The following DENND1B variants were observed in gnomAD, a reference collection of about 807,000 sequenced individuals.
DENND1B encodes the protein DENN domain containing 1B, also known as DENN domain-containing protein 1B.
DENND1B carries 59 observed loss-of-function variants against 90.1 expected under a neutral mutation model. That is an observed-to-expected ratio of 0.65 (90% CI 0.53 to 0.81). DENND1B has a LOEUF of 0.81. Ranked by LOEUF, DENND1B falls within the 40% of genes least tolerant of loss-of-function variation. DENND1B has a pLI of 0.00. For missense variants in DENND1B, 862 were observed against 912.6 expected (o/e 0.94, Z 0.71); for synonymous variants, 337 against 324.6 (o/e 1.04, Z -0.41).
chr1:197,653,591 T>C (rs183569623), intron 6 of DENND1B, among the ~76,000 whole-genome samples: 7 of 152,260 alleles, frequency 4.6e-5, no homozygotes, highest in African/African-American at 1.4e-4. Flanking sequence ...TTATTTCTGG[T>C]TTAATTAATG....
chr1:197,585,171 T>C (rs1674591567), intron 14 of DENND1B, among the ~76,000 whole-genome samples: 2 of 152,192 alleles, frequency 1.3e-5, no homozygotes, highest in Non-Finnish European at 2.9e-5. Context: ...ACTAGCATCA[T>C]CCCTAGTTAC....
chr1:197,612,002 A>C (rs755717353), intron 11 of DENND1B, 26 bp from the exon 12 acceptor site: 4 of 1,534,900 alleles, frequency 2.6e-6, no homozygotes, highest in South Asian at 1.1e-5. Context: ...ATATATGCAT[A>C]GATTCATATA....
At position 197,651,158 on chromosome 1, in the gene DENND1B, C is replaced by T. The variant is rs544362950; in HGVS notation, c.447+1077G>A. On this transcript the variant is annotated intron_variant, in intron 7 of 22. Transcript: ENST00000620048. ...TTAGCTTTCCTCTCATTTTCTCTTG[C>T]GACATTATATTTTTTATTCTTTATT... 5.3e-5 allele frequency among the ~76,000 whole-genome samples: 8 copies of T among 151,924 alleles called. No homozygotes were observed. In the East Asian group the frequency reaches 5.8e-4, roughly 11 times the overall value.
chr1:197,778,685 T>TA (rs1387776132), upstream of DENND1B, among the ~76,000 whole-genome samples: 61 of 143,522 alleles, frequency 4.3e-4, no homozygotes, highest in East Asian at 1.0e-3. Context: ...TAAAAAAAAT[T>TA]AAAAAAAAAA....
At chr1:197,521,009 C>A (rs998050225) in intron 20 of DENND1B, among the ~76,000 whole-genome samples, 1 of 151,664 alleles carries the variant, frequency 6.6e-6, no homozygotes, top group African/African-American at 2.4e-5. Context: ...AGATATTCTA[C>A]TAGAAACACT....
At chr1:197,706,046 T>G (rs1467419553) in intron 3 of DENND1B, among the ~76,000 whole-genome samples, 2 of 152,312 alleles carry the variant, frequency 1.3e-5, no homozygotes, top group African/African-American at 2.4e-5. Context: ...TTCTTTCATG[T>G]TTATTCAAAA....
At chr1:197,562,731 C>T (rs1328046554) in intron 15 of DENND1B, among the ~76,000 whole-genome samples, 3 of 151,876 alleles carry the variant, frequency 2.0e-5, no homozygotes. Context: ...AATGATGAAG[C>T]TTGTTGAGGA....
In DENND1B at chr1:197,635,169, C is replaced by T. The variant is rs147791895; in HGVS notation, c.672+7542G>A. Among the ~76,000 whole-genome samples the T allele has an allele frequency of 1.6e-3, 242 of 152,250 alleles. 2 individuals carry two copies. Among genetic ancestry groups the T allele is most frequent in the African/African-American group, 5.7e-3 (236 of 41,568 alleles). ...TACATTTCTACTTGACAAAGATACA[C>T]TTTCTACTCTGGCATTTTCAGTATC... On this transcript the variant is annotated intron_variant, in intron 10 of 22. Coordinates refer to ENST00000620048, the MANE Select transcript of DENND1B (RefSeq NM_001195215.2).
chr1:197,752,637 AT>A (rs1210536640), intron 2 of DENND1B, among the ~76,000 whole-genome samples: 5 of 151,702 alleles, frequency 3.3e-5, no homozygotes, highest in East Asian at 1.9e-4. Flanking sequence ...TCAAAGACTA[AT>A]TTTTTTTCTT....
At chr1:197,610,154 C>T (rs542486562) in intron 12 of DENND1B, among the ~76,000 whole-genome samples, 1 of 150,810 alleles carries the variant, frequency 6.6e-6, no homozygotes, top group South Asian at 2.1e-4. Context: ...ACTATTAAGA[C>T]ACTTAGATAA....
chr1:197,551,108 C>A (rs1285335798), intron 16 of DENND1B, among the ~76,000 whole-genome samples: 6 of 98,102 alleles, frequency 6.1e-5, no homozygotes, highest in African/African-American at 2.3e-4. Flanking sequence ...CACACACACA[C>A]ACACCCCCTA....
intron 2 of DENND1B, among the ~76,000 whole-genome samples, chr1:197,743,086 G>C (rs959732615): frequency 6.6e-6 from 1 of 152,134 alleles, no homozygotes; most frequent in Non-Finnish European, 1.5e-5. Flanking sequence ...TTTCCAGGAT[G>C]ACTGACTGAC....
chr1:197,737,255 C>T lies in DENND1B; in HGVS notation c.83-22181G>A, dbSNP rs143894114. ...ATGTCGAAGTGGTTGGATCTAAGCA[C>T]CACCATAGCCCTATTCCTTTAGACA... On this transcript the variant is annotated intron_variant, in intron 2 of 22. Transcript: ENST00000620048. Among the ~76,000 whole-genome samples the T allele has an allele frequency of 4.3e-3, 653 of 152,298 alleles. 5 individuals carry two copies. Among genetic ancestry groups the T allele is most frequent in the African/African-American group, 0.015 (626 of 41,556 alleles).
intron 2 of DENND1B, among the ~76,000 whole-genome samples, chr1:197,747,896 T>C (rs181736585): frequency 9.2e-4 from 140 of 152,322 alleles, no homozygotes; most frequent in African/African-American, 3.3e-3. Context: ...ACTTGTGCCA[T>C]AGATAATAAA....
intron 10 of DENND1B, among the ~76,000 whole-genome samples, chr1:197,631,674 T>C (rs974835269): frequency 6.6e-6 from 1 of 151,780 alleles, no homozygotes; most frequent in African/African-American, 2.4e-5. Context: ...TCTAAATCTT[T>C]AGAGTTAACA....
the DENND1B span, among the ~76,000 whole-genome samples, chr1:197,781,017 T>C: frequency 6.6e-6 from 1 of 152,200 alleles, no homozygotes. Context: ...TGAATCCTTG[T>C]AGTAATATGC....
intron 2 of DENND1B, among the ~76,000 whole-genome samples, chr1:197,769,908 A>G (rs1467457507): frequency 6.6e-6 from 1 of 152,206 alleles, no homozygotes; most frequent in East Asian, 1.9e-4. Context: ...GCTGTAAAGT[A>G]GAACATTGAT....
chr1:197,672,122 AG>A lies in DENND1B; in HGVS notation c.210del (p.Phe71LeufsTer3). On this transcript the variant is annotated frameshift_variant, in exon 5 of 23. Transcript: ENST00000620048. LOFTEE classifies it high-confidence loss of function. ...TTACTTTCAATGTCTGTCAGTACAA[AG>A]GTAAAGTGCTGTCCAACTTGATTCT... is the stretch of plus-strand genomic sequence containing the variant. ...VSQNQVGQHF[T>X]FVLTDIESKQ... The A allele has an allele frequency of 1.2e-6, 2 of 1,612,490 alleles. No individual in the cohort carries two copies. The highest frequency in any genetic ancestry group is 1.7e-6 in the Non-Finnish European group (2 of 1,179,062).
At chr1:197,592,108 CAAAAAAAAAA>C (rs71286564) in intron 14 of DENND1B, among the ~76,000 whole-genome samples, 2 of 55,816 alleles carry the variant, frequency 3.6e-5, no homozygotes, top group Admixed American at 2.8e-4. Flanking sequence ...GATTCCATCT[CAAAAAAAAAA>C]AAAAAAAAAA....
Sources: allele counts gnomAD v4.1 joint callset (sites outside exome capture counted in the v4.1 genomes callset), GRCh38; gene constraint gnomAD v4.1.1; transcripts MANE v1.5; gene names NCBI Gene and HGNC (gene_info 2026-07-23, HGNC 2026-07-21).